Variants in MAN1A1 observed in about 807,000 individuals in gnomAD.
MAN1A1 encodes the protein mannosidase alpha class 1A member 1, also known as mannosyl-oligosaccharide 1,2-alpha-mannosidase IA.
Under a neutral mutation model 70.8 loss-of-function variants are expected in MAN1A1, and 29 were observed. The observed-to-expected ratio is 0.41, with a 90% CI of 0.31 to 0.56. The LOEUF (loss-of-function observed/expected upper bound fraction) is 0.56, where lower values mean the gene tolerates loss of function less well. Among genes scored for constraint, MAN1A1 ranks in the 20% least tolerant of loss-of-function variants. MAN1A1 has a pLI of 0.29. For missense variants in MAN1A1, 747 were observed against 841.3 expected (o/e 0.89, Z 1.39); for synonymous variants, 349 against 330.1 (o/e 1.06, Z -0.62).
chr6:119,231,143 A>C (rs1774663450), intron 6 of MAN1A1, among the ~76,000 whole-genome samples: 1 of 152,194 alleles, frequency 6.6e-6, no homozygotes, highest in Non-Finnish European at 1.5e-5. Flanking sequence ...AAAACTATTA[A>C]AGATTCTTGA....
chr6:119,280,269 G>C (rs963119340), intron 5 of MAN1A1, among the ~76,000 whole-genome samples: 2 of 152,154 alleles, frequency 1.3e-5, no homozygotes, highest in African/African-American at 4.8e-5. Flanking sequence ...TCAGTAGCTG[G>C]GAGCCAGAAT....
Position 119,323,884 on chromosome 6 carries a change from G to C in MAN1A1, c.604-16892C>G, listed in dbSNP as rs149345070. 7.5e-3 allele frequency among the ~76,000 whole-genome samples: 1,135 copies of C among 152,252 alleles called. 9 individuals are homozygous for C. Among genetic ancestry groups the C allele is most frequent in the African/African-American group, 0.026 (1,077 of 41,546 alleles). ...CCTACGGGATGAGACGGAGTGAAGA[G>C]AGCAAACACATAAGCCTTATATAAT... is the stretch of plus-strand genomic sequence containing the variant. On this transcript the variant is annotated intron_variant, in intron 2 of 12. Transcript: ENST00000368468.
chr6:119,187,924 G>C (rs1773335541), intron 11 of MAN1A1, among the ~76,000 whole-genome samples: 1 of 152,204 alleles, frequency 6.6e-6, no homozygotes, highest in African/African-American at 2.4e-5. Context: ...CCTGAGACTG[G>C]TAAAGGAATA....
In MAN1A1 at chr6:119,323,992, T is replaced by C. The variant is rs3798646; in HGVS notation, c.604-17000A>G. On this transcript the variant is annotated intron_variant, in intron 2 of 12. Coordinates refer to ENST00000368468, the MANE Select transcript of MAN1A1 (RefSeq NM_005907.4). The stretch of plus-strand genomic sequence containing the variant: ...TACTACAATATAGGTAAATTCCACA[T>C]AAGCAACTGTAATGCATAGTTATCT... Among the ~76,000 whole-genome samples the C allele has an allele frequency of 5.9e-3, 899 of 152,324 alleles. 31 individuals carry two copies. The East Asian group carries it at 0.09, about 15-fold the overall frequency.
intron 6 of MAN1A1, among the ~76,000 whole-genome samples, chr6:119,207,244 AC>A (rs951073173): frequency 1.1e-4 from 16 of 151,156 alleles, no homozygotes; most frequent in Admixed American, 9.3e-4. Context: ...TTCTGTCACC[AC>A]CCCCCCAACC....
chr6:119,260,111 G>A (rs1164825211), intron 5 of MAN1A1, among the ~76,000 whole-genome samples: 1 of 152,004 alleles, frequency 6.6e-6, no homozygotes, highest in East Asian at 1.9e-4. Flanking sequence ...TTCTATAGAG[G>A]GTTAGATAGT....
chr6:119,287,541 T>C lies in MAN1A1; in HGVS notation c.897+3142A>G, dbSNP rs186732837. Among the ~76,000 whole-genome samples, 441 of 152,140 alleles carry C rather than the reference T, an allele frequency of 2.9e-3. 2 individuals carry two copies. Among genetic ancestry groups the C allele is most frequent in the South Asian group, 0.018 (86 of 4,828 alleles). On this transcript the variant is annotated intron_variant, in intron 5 of 12. Transcript: ENST00000368468. ...AATTCTAATTTACTGTTAACAGATG[T>C]CACTTTTTTTTTTAATAGAGGAAGG...
At chr6:119,251,408 C>A (rs528269296) in intron 5 of MAN1A1, among the ~76,000 whole-genome samples, 1 of 152,198 alleles carries the variant, frequency 6.6e-6, no homozygotes, top group African/African-American at 2.4e-5. Flanking sequence ...CATGTTCAGT[C>A]CATCTTAGCA....
intron 2 of MAN1A1, among the ~76,000 whole-genome samples, chr6:119,346,921 G>A (rs952494682): frequency 6.6e-6 from 1 of 152,196 alleles, no homozygotes; most frequent in South Asian, 2.1e-4. Flanking sequence ...AGGAGTCTGG[G>A]AGGATTTGGT....
chr6:119,344,347 G>A (rs201456769), intron 2 of MAN1A1, among the ~76,000 whole-genome samples: 1 of 151,902 alleles, frequency 6.6e-6, no homozygotes, highest in Non-Finnish European at 1.5e-5. Context: ...CTGTATATAT[G>A]TATTTTTTTG....
chr6:119,180,275 AC>A (rs1435791807), intron 12 of MAN1A1, 36 bp downstream of exon 12: 1 of 1,404,258 alleles, frequency 7.1e-7, no homozygotes, highest in Non-Finnish European at 1.0e-6. Flanking sequence ...CTGTTCAGGT[AC>A]CTTAGCCACA....
At chr6:119,314,040 T>G (rs962754292) in intron 2 of MAN1A1, among the ~76,000 whole-genome samples, 2 of 152,190 alleles carry the variant, frequency 1.3e-5, no homozygotes, top group Non-Finnish European at 2.9e-5. Context: ...AACCTCTACT[T>G]TACAGGCACG....
intron 6 of MAN1A1, among the ~76,000 whole-genome samples, chr6:119,236,188 A>T (rs1405079285): frequency 2.0e-5 from 3 of 152,042 alleles, no homozygotes; most frequent in African/African-American, 7.2e-5. Context: ...TGCTCTATAA[A>T]TGGAAGACAA....
chr6:119,349,067 G>T lies in MAN1A1; in HGVS notation c.-2C>A. On this transcript the variant is annotated 5_prime_UTR_variant, in exon 2 of 13. Coordinates refer to ENST00000368468, the MANE Select transcript of MAN1A1 (RefSeq NM_005907.4). ...CGGCAACAGGCCCCCCACGGGCATC[G>T]CTCCCGCTGTCCAGTGGTCCGGCGC... 1 of 1,313,638 alleles carries T rather than the reference G, an allele frequency of 7.6e-7. No homozygotes were observed. 81.4% of individuals were successfully genotyped at this position (1,313,638 alleles called of 1,614,324 possible).
rs143853409 is a variant in MAN1A1, at chr6:119,237,105, T to C, written c.992+11155A>G. Among the ~76,000 whole-genome samples, 368 of 152,080 alleles carry C rather than the reference T, an allele frequency of 2.4e-3. 2 individuals are homozygous for C. Among genetic ancestry groups the C allele is most frequent in the Middle Eastern group, 0.014 (4 of 294 alleles). On this transcript the variant is annotated intron_variant, in intron 6 of 12. Transcript: ENST00000368468. ...TGATAAAACTTTCATGGATGAGGAG[T>C]TGCTTCTTATGGAGGAGTAAAGAAA...
At chr6:119,206,196 A>G (rs943560919) in intron 6 of MAN1A1, among the ~76,000 whole-genome samples, 9 of 152,260 alleles carry the variant, frequency 5.9e-5, no homozygotes, top group African/African-American at 2.2e-4. Context: ...GGAGGAAAGG[A>G]AGGTTGGTGG....
rs539557886 is a variant in MAN1A1, at chr6:119,235,617, T to C, written c.992+12643A>G. ...AGCAAGTGCTAGAAGTGCAGAAGAC[T>C]TGGCTAAGACTACCGCACTAAAATG... On this transcript the variant is annotated intron_variant, in intron 6 of 12. Coordinates refer to ENST00000368468, the MANE Select transcript of MAN1A1 (RefSeq NM_005907.4). Among the ~76,000 whole-genome samples, 7 of 152,298 alleles carry C rather than the reference T, an allele frequency of 4.6e-5. No individual in the cohort carries two copies. In the South Asian group the frequency reaches 1.2e-3, roughly 27 times the overall value.
chr6:119,259,837 C>T (rs1483280252), intron 5 of MAN1A1, among the ~76,000 whole-genome samples: 2 of 151,982 alleles, frequency 1.3e-5, no homozygotes, highest in East Asian at 3.8e-4. Context: ...TTTCCCCATG[C>T]CAATATTAAA....
chr6:119,306,849 T>A (rs761424675), intron 3 of MAN1A1, 47 bp downstream of exon 3: 4 of 1,325,648 alleles, frequency 3.0e-6, no homozygotes, highest in Admixed American at 3.4e-5. Flanking sequence ...GCTCAAGCAA[T>A]TGGGGAGAAG....
Sources: allele counts gnomAD v4.1 joint callset (sites outside exome capture counted in the v4.1 genomes callset), GRCh38; gene constraint gnomAD v4.1.1; transcripts MANE v1.5; gene names NCBI Gene and HGNC (gene_info 2026-07-23, HGNC 2026-07-21).